The following TSNAX variants were observed in gnomAD, a reference collection of about 807,000 sequenced individuals.
The protein encoded by TSNAX is translin-associated protein X.
Under a neutral mutation model 33.0 loss-of-function variants are expected in TSNAX, and 12 were observed. The ratio of observed to expected loss-of-function variants is 0.36; its 90% CI spans 0.23 to 0.59. The LOEUF (loss-of-function observed/expected upper bound fraction) is 0.59, where lower values mean the gene tolerates loss of function less well. Among genes scored for constraint, TSNAX ranks in the 20% least tolerant of loss-of-function variants. TSNAX has a pLI of 0.74. For synonymous variants in TSNAX, 110 were observed against 117.2 expected (o/e 0.94, Z 0.40); for missense variants, 267 against 341.3 (o/e 0.78, Z 1.72).
intron 3 of TSNAX, among the ~76,000 whole-genome samples, chr1:231,541,078 G>A (rs115187760): frequency 0.014 from 2,101 of 152,174 alleles, 61 homozygotes; most frequent in African/African-American, 0.048. Flanking sequence ...TGTTTAGACC[G>A]TTTACATTTA....
chr1:231,537,191 TA>T, intron 2 of TSNAX, 21 bp from the exon 3 acceptor site: 1 of 1,538,700 alleles, frequency 6.5e-7, no homozygotes, highest in Non-Finnish European at 8.9e-7. Context: ...TATACATGCT[TA>T]TGATCATAAT....
chr1:231,564,871 C>T lies in TSNAX; in HGVS notation c.839C>T (p.Thr280Ile). 1 of 1,614,116 alleles carries T rather than the reference C, an allele frequency of 6.2e-7. No individual in the cohort carries two copies. The highest frequency in any genetic ancestry group is 8.5e-7 in the Non-Finnish European group (1 of 1,179,976). Reference sequence around the variant, plus strand: ...TTGGCAGATGTGTTTTCAGTTAAAACAGAAATGATAGATCAAGAAGAGGGC... The same window carrying T: ...TTGGCAGATGTGTTTTCAGTTAAAATAGAAATGATAGATCAAGAAGAGGGC... Reference protein sequence around the residue: ...HMLADVFSVKTEMIDQEEGIS With the variant: ...HMLADVFSVKIEMIDQEEGIS The change falls in exon 6 of 6, where the codon ACA becomes ATA. Residue 280 changes from threonine to isoleucine, a missense_variant. Transcript: ENST00000366639.
At chr1:231,557,925 T>C (rs1660793365) in intron 4 of TSNAX, among the ~76,000 whole-genome samples, 1 of 152,096 alleles carries the variant, frequency 6.6e-6, no homozygotes, top group Non-Finnish European at 1.5e-5. Context: ...ACATACAGAC[T>C]TATTAACCAT....
At chr1:231,531,211 G>A (rs1658688991) in intron 2 of TSNAX, among the ~76,000 whole-genome samples, 1 of 152,056 alleles carries the variant, frequency 6.6e-6, no homozygotes, top group Non-Finnish European at 1.5e-5. Context: ...GCCCGTCTCG[G>A]CCTCTCAGAG....
chr1:231,533,779 A>G (rs1658951908), intron 2 of TSNAX, among the ~76,000 whole-genome samples: 1 of 152,250 alleles, frequency 6.6e-6, no homozygotes, highest in Non-Finnish European at 1.5e-5. Flanking sequence ...CTAACCATAT[A>G]TTCTGAACCA....
chr1:231,550,492 A>G (rs1303314805), intron 4 of TSNAX, among the ~76,000 whole-genome samples: 1 of 152,236 alleles, frequency 6.6e-6, no homozygotes, highest in African/African-American at 2.4e-5. Flanking sequence ...GGCTGCGTTT[A>G]TAATCTCAGG....
chr1:231,553,498 G>A (rs145729117), intron 4 of TSNAX, among the ~76,000 whole-genome samples: 8 of 152,236 alleles, frequency 5.3e-5, no homozygotes, highest in South Asian at 2.1e-4. Flanking sequence ...ATGGCAGTAC[G>A]TTGAAAATTT....
rs114394437 is a variant in TSNAX at position 231,565,206 on chromosome 1, A to G, written c.*301A>G. ...GCTTCAGAGTGTACCTTTTGCCATA[A>G]CCTATTTTAATTTACTTTTTCTGAA... On this transcript the variant is annotated 3_prime_UTR_variant, in exon 6 of 6. Transcript: ENST00000366639. The G allele has an allele frequency of 1.7e-3, 347 of 208,642 alleles. 2 individuals are homozygous for G. Among genetic ancestry groups the G allele is most frequent in the African/African-American group, 7.3e-3 (315 of 43,336 alleles). 12.9% of individuals were successfully genotyped at this position (208,642 alleles called of 1,614,324 possible).
intron 4 of TSNAX, among the ~76,000 whole-genome samples, chr1:231,545,836 A>G (rs1045172899): frequency 5.3e-5 from 8 of 152,132 alleles, no homozygotes; most frequent in Non-Finnish European, 5.9e-5. Context: ...GGTTTTTGCA[A>G]TACCTCTAAA....
intron 4 of TSNAX, among the ~76,000 whole-genome samples, chr1:231,560,902 C>T (rs1167971582): frequency 2.0e-5 from 3 of 152,106 alleles, no homozygotes; most frequent in Non-Finnish European, 4.4e-5. Context: ...TGAAGTGATC[C>T]ACCCGCCTTG....
At chr1:231,559,317 TTTGTTGTTG>T (rs71179786) in intron 4 of TSNAX, among the ~76,000 whole-genome samples, 16 of 151,212 alleles carry the variant, frequency 1.1e-4, no homozygotes, top group African/African-American at 3.9e-4. Context: ...TAGAATATAG[TTTGTTGTTG>T]TTGTTGTTGT....
intron 5 of TSNAX, 59 bp from the exon 6 acceptor site, chr1:231,564,469 C>T (rs138459413): frequency 3.6e-5 from 55 of 1,539,422 alleles, no homozygotes; most frequent in Non-Finnish European, 4.6e-5. Flanking sequence ...CTCTTTTTCA[C>T]AGTGTTCTTT....
At position 231,530,561 on chromosome 1, in the gene TSNAX, A is replaced by G. The variant is rs139373498; in HGVS notation, c.121+1202A>G. Among the ~76,000 whole-genome samples the G allele has an allele frequency of 1.1e-4, 17 of 152,234 alleles. No individual in the cohort carries two copies. The East Asian group carries it at 3.3e-3, about 30-fold the overall frequency. ...ACACGGTGAAACCCCGTCTCTACTAAAAATACAAAAAATTAGCCGGGCGTC... is the reference window on the plus strand; with the variant it reads ...ACACGGTGAAACCCCGTCTCTACTAGAAATACAAAAAATTAGCCGGGCGTC... On this transcript the variant is annotated intron_variant, in intron 2 of 5. Coordinates refer to ENST00000366639, the MANE Select transcript of TSNAX (RefSeq NM_005999.3).
At chr1:231,561,840 C>T (rs1250176669) in intron 5 of TSNAX, among the ~76,000 whole-genome samples, 1 of 152,178 alleles carries the variant, frequency 6.6e-6, no homozygotes, top group East Asian at 1.9e-4. Context: ...CAATATACAG[C>T]AGCACCTGAC....
At chr1:231,549,119 G>A (rs1042192882) in intron 4 of TSNAX, among the ~76,000 whole-genome samples, 1 of 152,188 alleles carries the variant, frequency 6.6e-6, no homozygotes, top group Non-Finnish European at 1.5e-5. Context: ...AAAAGGGGAT[G>A]TGGTGGGGAA....
chr1:231,544,247 C>G (rs1019430795), intron 4 of TSNAX, among the ~76,000 whole-genome samples: 3 of 152,172 alleles, frequency 2.0e-5, no homozygotes, highest in Admixed American at 2.0e-4. Context: ...AAACAGAAAT[C>G]CAATTCTACA....
In TSNAX at chr1:231,546,795, T is replaced by A. The variant is rs185783069; in HGVS notation, c.367+4184T>A. 1.1e-4 allele frequency among the ~76,000 whole-genome samples: 17 copies of A among 152,328 alleles called. No homozygotes were observed. In the East Asian group the frequency reaches 3.3e-3, roughly 29 times the overall value. Reference sequence around the variant, plus strand: ...CTTAGTTATTCACAGATCCATGCTCTCTGGGGCTCTGCTGTTACCAGTACA... The same window carrying A: ...CTTAGTTATTCACAGATCCATGCTCACTGGGGCTCTGCTGTTACCAGTACA... On this transcript the variant is annotated intron_variant, in intron 4 of 5. Coordinates refer to ENST00000366639, the MANE Select transcript of TSNAX (RefSeq NM_005999.3).
At chr1:231,541,037 C>A (rs951980877) in intron 3 of TSNAX, among the ~76,000 whole-genome samples, 1 of 151,892 alleles carries the variant, frequency 6.6e-6, no homozygotes, top group Non-Finnish European at 1.5e-5. Context: ...TTTAAAAATC[C>A]ATTCTGAAAA....
At chr1:231,552,608 A>G (rs753317812) in intron 4 of TSNAX, among the ~76,000 whole-genome samples, 6 of 152,238 alleles carry the variant, frequency 3.9e-5, no homozygotes, top group African/African-American at 1.4e-4. Context: ...TACATACCAC[A>G]TAATTAAATT....
Sources: allele counts gnomAD v4.1 joint callset (sites outside exome capture counted in the v4.1 genomes callset), GRCh38; gene constraint gnomAD v4.1.1; transcripts MANE v1.5; gene names NCBI Gene and HGNC (gene_info 2026-07-23, HGNC 2026-07-21).